Variants in KIF14 observed in about 807,000 individuals in gnomAD.
KIF14 encodes the protein kinesin-like protein KIF14.
A neutral mutation model predicts 176.2 loss-of-function variants in KIF14; 98 were observed. The observed-to-expected ratio is 0.56, with a 90% CI of 0.47 to 0.66. KIF14 has a LOEUF of 0.66. KIF14 is among the 30% of genes least tolerant of loss of function. The pLI is 0.00. For synonymous variants in KIF14, 566 were observed against 632.2 expected, an observed-to-expected ratio of 0.90 and a Z score of 1.57; for missense variants, 1,751 against 1,920.4, an observed-to-expected ratio of 0.91 and a Z score of 1.65.
At chr1:200,554,422 T>C (rs115694135) in intron 29 of KIF14, 46 bp downstream of exon 29, 38,005 of 1,313,936 alleles carry the variant, frequency 0.029, 657 homozygotes, top group Middle Eastern at 0.052. Context: ...CTAAGGTTCC[T>C]TAAAATATAA....
Position 200,589,277 on chromosome 1 carries a change from A to T in KIF14, c.3054T>A (p.Leu1018=). ...IEELEKAKQH[L]EQEIYVNKKR... is the part of the protein sequence containing the mutation. ...TTTTGTTGACATATATTTCCTGTTC[A>T]AGATGCTGCTTTGCCTTTTCTAATT... Residue 1018 remains leucine (L), a synonymous_variant, in exon 18 of 30, where the codon CTT becomes CTA. Transcript: ENST00000367350. The T allele has an allele frequency of 6.2e-7, 1 of 1,611,992 alleles. No homozygotes were observed. The highest frequency in any genetic ancestry group is 8.5e-7 in the Non-Finnish European group (1 of 1,178,538).
At chr1:200,562,594 C>G (rs1006662458) in intron 25 of KIF14, among the ~76,000 whole-genome samples, 1 of 152,192 alleles carries the variant, frequency 6.6e-6, no homozygotes, top group Non-Finnish European at 1.5e-5. Flanking sequence ...AATCTGAGAG[C>G]CAACTAAGCA....
chr1:200,589,590 T>A (rs951122220), intron 17 of KIF14, among the ~76,000 whole-genome samples: 1 of 151,710 alleles, frequency 6.6e-6, no homozygotes, highest in African/African-American at 2.4e-5. Flanking sequence ...GAGACAGCCA[T>A]GACTCAAGCG....
chr1:200,553,132 C>T lies in KIF14; in HGVS notation c.*256G>A, dbSNP rs150812717. ...CAAATTTTTGTATTTTTAGTAGAGA[C>T]GGGGTTTCGCCATGTTGGCCAGGCC... is the stretch of plus-strand genomic sequence containing the variant. On this transcript the variant is annotated 3_prime_UTR_variant, in exon 30 of 30. Coordinates refer to ENST00000367350, the MANE Select transcript of KIF14 (RefSeq NM_014875.3). 525 of 216,596 alleles carry T rather than the reference C, an allele frequency of 2.4e-3. 3 individuals carry two copies. The highest frequency in any genetic ancestry group is 0.011 in the African/African-American group (471 of 43,536). The allele number at this position is 216,596 out of a possible 1,614,324, so 13.4% of individuals were successfully genotyped here. A position where few individuals can be genotyped will look rare whatever the true frequency, so the allele number is the denominator to read the frequency against.
rs190410379 is a variant in KIF14, at chr1:200,615,414, G to A, written c.1308C>T (p.Phe436=). ...CAAAAAGACAGGTATTGAAGCCTTC[G>A]AAGGCTCTTTCTAGGAGTGGTGCTG... is the stretch of plus-strand genomic sequence containing the variant. ...KLAAPLLERA[F]EGFNTCLFAY... is the part of the protein sequence containing the mutation. Residue 436 remains phenylalanine (F), a synonymous_variant, in exon 3 of 30, where the codon TTC becomes TTT. Coordinates refer to ENST00000367350, the MANE Select transcript of KIF14 (RefSeq NM_014875.3). 6.7e-5 allele frequency: 108 copies of A among 1,614,054 alleles called. No individual in the cohort carries two copies. In the Admixed American group the frequency reaches 1.2e-3, roughly 18 times the overall value.
At position 200,552,178 on chromosome 1, in the gene KIF14, T is replaced by A. The variant is rs966468998; in HGVS notation, c.*1210A>T. 2.0e-5 allele frequency: 3 copies of A among 152,024 alleles called. No homozygotes were observed. The highest frequency in any genetic ancestry group is 4.8e-5 in the African/African-American group (2 of 41,430). 9.4% of individuals were successfully genotyped at this position (152,024 alleles called of 1,614,324 possible). A position where few individuals can be genotyped will look rare whatever the true frequency, so the allele number is the denominator to read the frequency against. On this transcript the variant is annotated 3_prime_UTR_variant, in exon 30 of 30. Coordinates refer to ENST00000367350, the MANE Select transcript of KIF14 (RefSeq NM_014875.3). ...CTTCTTTTTTTTTCTTCTTTTTTTT[T>A]AAATGAATTATTCTTTAGGAACTGC...
chr1:200,606,218 G>A (rs1256490007), intron 6 of KIF14, among the ~76,000 whole-genome samples: 1 of 152,076 alleles, frequency 6.6e-6, no homozygotes, highest in Non-Finnish European at 1.5e-5. Flanking sequence ...ATTTATATGT[G>A]GGTGTATATG....
chr1:200,556,780 TG>T (rs1656852430), intron 27 of KIF14, among the ~76,000 whole-genome samples: 1 of 152,210 alleles, frequency 6.6e-6, no homozygotes, highest in Non-Finnish European at 1.5e-5. Context: ...TTTGCAAATA[TG>T]GTGAAGTGTT....
Position 200,565,480 on chromosome 1 carries a change from G to C in KIF14, c.3851C>G (p.Ala1284Gly). 2 of 1,606,112 alleles carry C rather than the reference G, an allele frequency of 1.2e-6. No homozygotes were observed. Among genetic ancestry groups the C allele is most frequent in the Non-Finnish European group, 1.7e-6 (2 of 1,177,920 alleles). Residue 1284 changes from alanine (A) to glycine (G), a missense_variant, in exon 24 of 30, where the codon GCT (alanine) becomes GGT (glycine). Ala to Gly is a moderately conservative substitution (Grantham distance 60). Transcript: ENST00000367350. ...IYNGLFAISK[A>G]HEEQDEESQD... ...ACTTTCTTCATCTTGTTCTTCATGA[G>C]CCTTGGAAATGGCAAATAGCCCATT...
Position 200,592,107 on chromosome 1 carries a change from T to C in KIF14, c.2786A>G (p.Asn929Ser). 1 of 1,613,490 alleles carries C rather than the reference T, an allele frequency of 6.2e-7. No individual in the cohort carries two copies. The highest frequency in any genetic ancestry group is 8.5e-7 in the Non-Finnish European group (1 of 1,179,792). Residue 929 changes from asparagine (N) to serine (S), a missense_variant, in exon 16 of 30, where the codon AAT becomes AGT. Transcript: ENST00000367350. ...EGPKDFEFAKNELLMAQRSQL... is the reference protein window; with the variant it reads ...EGPKDFEFAKSELLMAQRSQL... ...TGATCTCTGTGCCATGAGCAACTCA[T>C]TTTTTGCAAATTCAAAGTCTTTTGG...
chr1:200,604,059 T>G, intron 8 of KIF14, 104 bp from the exon 9 acceptor site: 1 of 685,000 alleles, frequency 1.5e-6, no homozygotes, highest in Non-Finnish European at 2.5e-6. Context: ...CTCTTTTATT[T>G]TTTAAATAGT....
At position 200,553,458 on chromosome 1, in the gene KIF14, T is replaced by A; in HGVS notation, c.4877A>T (p.Tyr1626Phe). 6.2e-7 allele frequency: 1 copy of A among 1,614,078 alleles called. No homozygotes were observed. Among genetic ancestry groups the A allele is most frequent in the Non-Finnish European group, 8.5e-7 (1 of 1,180,014 alleles). Residue 1626 changes from tyrosine (Y) to phenylalanine (F), a missense_variant, in exon 30 of 30, where the codon TAT becomes TTT. Coordinates refer to ENST00000367350, the MANE Select transcript of KIF14 (RefSeq NM_014875.3). ...TGCTGGGGATGAGCCATGGAGCTCA[T>A]AGACACGCTTTGGTACACCTTTATT... ...SKNKGVPKRVYELHGSSPAVS... is the reference protein window; with the variant it reads ...SKNKGVPKRVFELHGSSPAVS...
chr1:200,605,469 C>T (rs1659833868), intron 7 of KIF14, 79 bp from the exon 8 acceptor site: 2 of 957,628 alleles, frequency 2.1e-6, no homozygotes, highest in Non-Finnish European at 3.2e-6. Flanking sequence ...ACAACATATA[C>T]ACATTTGTAA....
Position 200,589,198 on chromosome 1 carries a change from G to A in KIF14, c.3114+19C>T, listed in dbSNP as rs748196757. 15 of 1,578,410 alleles carry A rather than the reference G, an allele frequency of 9.5e-6. No homozygotes were observed. The highest frequency in any genetic ancestry group is 1.3e-5 in the Non-Finnish European group (15 of 1,160,160). On this transcript the variant is annotated intron_variant, in intron 18 of 29. Coordinates refer to ENST00000367350, the MANE Select transcript of KIF14 (RefSeq NM_014875.3). ...GCTTTTTCTCAGAATAGAGTTAACTGGTTACACAATAAAATTACCTGTTTT... is the reference window on the plus strand; with the variant it reads ...GCTTTTTCTCAGAATAGAGTTAACTAGTTACACAATAAAATTACCTGTTTT...
chr1:200,571,715 T>C (rs1657798938), intron 22 of KIF14, among the ~76,000 whole-genome samples: 1 of 152,108 alleles, frequency 6.6e-6, no homozygotes, highest in African/African-American at 2.4e-5. Flanking sequence ...AACACAGAAA[T>C]AGGACTGATA....
At chr1:200,582,577 A>C (rs1658520049) in intron 19 of KIF14, among the ~76,000 whole-genome samples, 1 of 152,136 alleles carries the variant, frequency 6.6e-6, no homozygotes. Context: ...TGGCTGGGTG[A>C]AGTGGCACAC....
At chr1:200,596,692 G>A (rs555275568) in intron 14 of KIF14, among the ~76,000 whole-genome samples, 1 of 149,286 alleles carries the variant, frequency 6.7e-6, no homozygotes, top group South Asian at 2.1e-4. Flanking sequence ...AGCCTCCCAA[G>A]TAGCTGAGAC....
intron 21 of KIF14, among the ~76,000 whole-genome samples, chr1:200,576,020 ATGTAGTCACTTCC>A (rs1658081319): frequency 6.6e-6 from 1 of 152,224 alleles, no homozygotes; most frequent in Admixed American, 6.5e-5. Flanking sequence ...CAAAGTTAAG[ATGTAGTCACTTCC>A]TGGTCGAATA....
chr1:200,567,269 C>T (rs1248384139), intron 23 of KIF14, among the ~76,000 whole-genome samples: 4 of 151,724 alleles, frequency 2.6e-5, no homozygotes, highest in Admixed American at 1.3e-4. Flanking sequence ...CGGCCGGGCA[C>T]GGTGGCTCAC....
Sources: gnomAD v4.1 joint callset for allele counts (sites outside exome capture counted in the v4.1 genomes callset) on GRCh38, gnomAD v4.1.1 for gene constraint, MANE v1.5 for transcripts, NCBI Gene and HGNC (gene_info 2026-07-23, HGNC 2026-07-21) for gene names.